Variants in ATP5MK observed in about 807,000 individuals in gnomAD.
The protein encoded by ATP5MK is ATP synthase F(0) complex subunit k, mitochondrial.
A neutral mutation model predicts 6.6 loss-of-function variants in ATP5MK; 5 were observed. The ratio of observed to expected loss-of-function variants is 0.76; its 90% confidence interval spans 0.40 to 1.60. The LOEUF (loss-of-function observed/expected upper bound fraction) is 1.60. ATP5MK is among the 40% of genes most tolerant of loss of function. ATP5MK has a pLI of 0.02. For synonymous variants in ATP5MK, 30 were observed against 24.5 expected, an observed-to-expected ratio of 1.22 and a Z score of -0.66; for missense variants, 57 against 66.6, an observed-to-expected ratio of 0.86 and a Z score of 0.50.
In ATP5MK at chr10:103,392,370, C is replaced by G. The variant is rs146599698; in HGVS notation, c.87+1G>C. On this transcript the variant is annotated splice_donor_variant, in intron 3 of 4. Coordinates refer to ENST00000369815, the MANE Select transcript of ATP5MK (RefSeq NM_001206427.2). LOFTEE classifies it high-confidence loss of function. ...AACTGCTTAAAGTTATCAATACTTA[C>G]GTTCATTCTACCTGTGAGAGTATAA... 167 of 1,599,350 alleles carry G rather than the reference C, an allele frequency of 1.0e-4. No homozygotes were observed. The highest frequency in any genetic ancestry group is 3.2e-5 in the Non-Finnish European group (38 of 1,174,050).
intron 2 of ATP5MK, 67 bp downstream of exon 2, chr10:103,395,679 A>T (rs367698958): frequency 2.6e-4 from 39 of 152,380 alleles, no homozygotes; most frequent in African/African-American, 8.2e-4. Context: ...GTCCAAAGTG[A>T]CCAGTAGCTC....
intron 4 of ATP5MK, among the ~76,000 whole-genome samples, chr10:103,389,812 A>T (rs1401637980): frequency 6.6e-6 from 1 of 151,550 alleles, no homozygotes; most frequent in Non-Finnish European, 1.5e-5. Flanking sequence ...GCTCACTGCA[A>T]CCTCTGCCTC....
intron 2 of ATP5MK, among the ~76,000 whole-genome samples, chr10:103,395,534 G>C (rs2093430168): frequency 6.6e-6 from 1 of 152,320 alleles, no homozygotes; most frequent in East Asian, 1.9e-4. Flanking sequence ...TGGACCTCAG[G>C]TGATCTACCC....
At chr10:103,391,704 C>T (rs2093414939) in intron 4 of ATP5MK, among the ~76,000 whole-genome samples, 1 of 152,154 alleles carries the variant, frequency 6.6e-6, no homozygotes, top group South Asian at 2.1e-4. Context: ...GATGGGGTTT[C>T]ACCATGTTGG....
At chr10:103,392,967 G>A (rs1210569219) in intron 2 of ATP5MK, among the ~76,000 whole-genome samples, 4 of 152,136 alleles carry the variant, frequency 2.6e-5, no homozygotes, top group Admixed American at 2.6e-4. Context: ...TTTATTAAAT[G>A]GAGTTAATAA....
chr10:103,395,970 A>T lies in ATP5MK; in HGVS notation c.-234T>A, dbSNP rs1056838582. 1.1e-4 allele frequency: 17 copies of T among 152,314 alleles called. No homozygotes were observed. Among genetic ancestry groups the T allele is most frequent in the African/African-American group, 4.1e-4 (17 of 41,478 alleles). The allele number at this position is 152,314 out of a possible 1,614,324, so 9.4% of individuals were successfully genotyped here. A position where few individuals can be genotyped will look rare whatever the true frequency, so the allele number is the denominator to read the frequency against. On this transcript the variant is annotated 5_prime_UTR_variant, in exon 2 of 5. Coordinates refer to ENST00000369815, the MANE Select transcript of ATP5MK (RefSeq NM_001206427.2). ...ATTCACTCGCTTTGAAAAAGGCTGC[A>T]GCGCACCTAAAGGAGGCCCGGCTGG...
At chr10:103,392,108 G>A (rs544364429) in intron 4 of ATP5MK, 83 bp downstream of exon 4, 3 of 1,319,696 alleles carry the variant, frequency 2.3e-6, no homozygotes, top group Non-Finnish European at 3.1e-6. Context: ...AAATGACAAT[G>A]GTTTATTTTT....
intron 2 of ATP5MK, among the ~76,000 whole-genome samples, chr10:103,394,997 C>T (rs1294493962): frequency 6.6e-6 from 1 of 151,990 alleles, no homozygotes; most frequent in Non-Finnish European, 1.5e-5. Context: ...TGTGATATCC[C>T]ACAGAAGACT....
At position 103,392,263 on chromosome 10, in the gene ATP5MK, TC is replaced by T; in HGVS notation, c.107del (p.Gly36GlufsTer5). On this transcript the variant is annotated frameshift_variant, in exon 4 of 5. Transcript: ENST00000369815. LOFTEE classifies it high-confidence loss of function. ...AATATAAGACAATCAATGCAATGCT[TC>T]CATATGTGGCCAGTACACACTGAGA... is the stretch of plus-strand genomic sequence containing the variant. ...GRMNCVLATYGSIALIVLYFK... is the reference protein window; with the variant it reads ...GRMNCVLATYXSIALIVLYFK... 1 of 1,613,528 alleles carries T rather than the reference TC, an allele frequency of 6.2e-7. No homozygotes were observed. The highest frequency in any genetic ancestry group is 8.5e-7 in the Non-Finnish European group (1 of 1,179,850).
chr10:103,393,397 G>A (rs2093420250), intron 2 of ATP5MK, among the ~76,000 whole-genome samples: 1 of 151,962 alleles, frequency 6.6e-6, no homozygotes, highest in South Asian at 2.1e-4. Flanking sequence ...TGGCTAACAC[G>A]GTGAAACCCT....
Position 103,396,428 on chromosome 10 carries a change from C to T in ATP5MK, c.-316G>A, listed in dbSNP as rs1299112535. On this transcript the variant is annotated 5_prime_UTR_variant, in exon 1 of 5. Transcript: ENST00000369815. ...ACCCACCTGCCAAAGCCGCAAATTC[C>T]GCAGCTGGTGTCCTTCAACGAATGT... 1 of 152,394 alleles carries T rather than the reference C, an allele frequency of 6.6e-6. No individual in the cohort carries two copies. The highest frequency in any genetic ancestry group is 1.5e-5 in the Non-Finnish European group (1 of 68,190). The allele number at this position is 152,394 out of a possible 1,614,324, so 9.4% of individuals were successfully genotyped here. A position where few individuals can be genotyped will look rare whatever the true frequency, so the allele number is the denominator to read the frequency against.
chr10:103,395,096 G>C (rs754760873), intron 2 of ATP5MK, among the ~76,000 whole-genome samples: 9 of 152,126 alleles, frequency 5.9e-5, no homozygotes, highest in Non-Finnish European at 7.4e-5. Context: ...ACTCTTGAGA[G>C]GCTCAAATGG....
chr10:103,390,210 G>C (rs1220599063), intron 4 of ATP5MK, among the ~76,000 whole-genome samples: 1 of 152,188 alleles, frequency 6.6e-6, no homozygotes, highest in Non-Finnish European at 1.5e-5. Context: ...GCATAGAAGA[G>C]GCCAGGCACA....
intron 4 of ATP5MK, among the ~76,000 whole-genome samples, chr10:103,391,370 T>C (rs971087295): frequency 1.1e-4 from 17 of 152,256 alleles, no homozygotes; most frequent in African/African-American, 4.1e-4. Flanking sequence ...ATAGTTCATA[T>C]ATTTATAAAC....
chr10:103,392,399 T>C lies in ATP5MK; in HGVS notation c.59A>G (p.Asn20Ser), dbSNP rs140938014. The C allele has an allele frequency of 1.2e-4, 192 of 1,607,898 alleles. 3 individuals are homozygous for C. The Middle Eastern group carries it at 2.5e-3, about 21-fold the overall frequency. ...CATTCTACCTGTGAGAGTATAAGAG[T>C]TGAAATATTTTTTAATACCAGTGAA... Reference protein sequence around the residue: ...YQFTGIKKYFNSYTLTGRMNC... With the variant: ...YQFTGIKKYFSSYTLTGRMNC... The change falls in exon 3 of 5, where the codon AAC becomes AGC. Residue 20 changes from asparagine (N) to serine (S), a missense_variant. Transcript: ENST00000369815.
At chr10:103,393,771 G>T (rs919890610) in intron 2 of ATP5MK, among the ~76,000 whole-genome samples, 1 of 152,094 alleles carries the variant, frequency 6.6e-6, no homozygotes, top group African/African-American at 2.4e-5. Flanking sequence ...GATGGTCAAT[G>T]AAATACTGTT....
chr10:103,391,981 G>C (rs1221857851), intron 4 of ATP5MK, among the ~76,000 whole-genome samples: 2 of 152,002 alleles, frequency 1.3e-5, no homozygotes, highest in Non-Finnish European at 2.9e-5. Context: ...GGCTGGTCTT[G>C]AACTCCTGGG....
At chr10:103,389,198 T>A (rs1297229740) in intron 4 of ATP5MK, 32 bp from the exon 5 acceptor site, 2 of 152,280 alleles carry the variant, frequency 1.3e-5, no homozygotes, top group Non-Finnish European at 2.9e-5. Flanking sequence ...TAGATACAAA[T>A]GTGGCCAGCT....
chr10:103,393,749 G>T lies in ATP5MK; in HGVS notation c.-9-1283C>A, dbSNP rs183740171. 2.0e-3 allele frequency among the ~76,000 whole-genome samples: 301 copies of T among 152,200 alleles called. 1 individual carries two copies. The highest frequency in any genetic ancestry group is 3.5e-3 in the Non-Finnish European group (241 of 68,014). ...AAATATTACAAAGTGGAAACACATTGTGTGGTTCAAAGATGGTCAATGAAA... is the reference window on the plus strand; with the variant it reads ...AAATATTACAAAGTGGAAACACATTTTGTGGTTCAAAGATGGTCAATGAAA... On this transcript the variant is annotated intron_variant, in intron 2 of 4. Transcript: ENST00000369815.
Sources: gnomAD v4.1 joint callset for allele counts (sites outside exome capture counted in the v4.1 genomes callset) on GRCh38, gnomAD v4.1.1 for gene constraint, MANE v1.5 for transcripts, NCBI Gene and HGNC (gene_info 2026-07-23, HGNC 2026-07-21) for gene names.